Variants in WNK3 observed in about 807,000 individuals in gnomAD.
WNK3 encodes serine/threonine-protein kinase WNK3.
In WNK3, 18 loss-of-function variants were observed where a neutral mutation model predicts 116.7. That is an observed-to-expected ratio of 0.15 (90% CI 0.11 to 0.23). The LOEUF (loss-of-function observed/expected upper bound fraction) is 0.23, where lower values mean the gene tolerates loss of function less well. Among genes scored for constraint, WNK3 ranks in the 10% least tolerant of loss-of-function variants. WNK3 has a pLI of 1.00. For synonymous variants in WNK3, 404 were observed against 469.4 expected, an observed-to-expected ratio of 0.86 and a Z score of 1.80; for missense variants, 993 against 1,323.8, an observed-to-expected ratio of 0.75 and a Z score of 3.88.
chrX:54,250,982 T>C (rs1481920366), intron 15 of WNK3, among the ~76,000 whole-genome samples: 21 of 111,785 alleles, frequency 1.9e-4, no homozygotes, highest in Admixed American at 1.8e-3. Flanking sequence ...TAGAAGCATA[T>C]CATTCATCGT....
intron 1 of WNK3, among the ~76,000 whole-genome samples, chrX:54,345,228 G>A (rs1366844235): frequency 3.4e-4 from 29 of 86,359 alleles, no homozygotes; most frequent in Admixed American, 4.6e-4. Flanking sequence ...GGGAACAAAG[G>A]GAGACTCTGT....
chrX:54,348,423 G>A (rs986150713), intron 1 of WNK3, among the ~76,000 whole-genome samples: 10 of 111,179 alleles, frequency 9.0e-5, no homozygotes, highest in Non-Finnish European at 1.9e-5. Context: ...CGCTGGCCTC[G>A]GCCTCCCCAA....
intron 23 of WNK3, among the ~76,000 whole-genome samples, chrX:54,200,030 C>T (rs1055358986): frequency 1.8e-5 from 2 of 111,835 alleles, no homozygotes; most frequent in South Asian, 3.7e-4. Flanking sequence ...CGATCCTTTC[C>T]GCATGGAATC....
At chrX:54,347,563 T>C (rs957581881) in intron 1 of WNK3, among the ~76,000 whole-genome samples, 5 of 108,546 alleles carry the variant, frequency 4.6e-5, no homozygotes, top group African/African-American at 1.3e-4. Flanking sequence ...AGTAGGAGGA[T>C]TGCTTGAGCC....
At position 54,264,853 on chromosome X, in the gene WNK3, A is replaced by AT. The variant is rs374917527; in HGVS notation, c.2038-5516dup. On this transcript the variant is annotated intron_variant, in intron 10 of 23. Transcript: ENST00000354646. ...CAGATATTTGGAAAGAGCAACTAAC[A>AT]TTTTTTTTTTTTTTAATGGCAAGAA... is the stretch of plus-strand genomic sequence containing the variant. 8.3e-3 allele frequency among the ~76,000 whole-genome samples: 847 copies of AT among 102,061 alleles called. 10 individuals carry two copies. The highest frequency in any genetic ancestry group is 0.024 in the African/African-American group (689 of 28,292). The allele number at this position is 102,061 out of a possible 115,157, so 88.6% of individuals were successfully genotyped here.
At chrX:54,317,655 G>A (rs1478897916) in intron 2 of WNK3, among the ~76,000 whole-genome samples, 2 of 106,838 alleles carry the variant, frequency 1.9e-5, no homozygotes, top group East Asian at 3.0e-4. Flanking sequence ...TTTTTGAGAC[G>A]GAATCTCGCT....
At chrX:54,332,864 CA>C (rs1162673611) in intron 2 of WNK3, among the ~76,000 whole-genome samples, 1,742 of 49,283 alleles carry the variant, frequency 0.035, 41 homozygotes, top group African/African-American at 0.12. Flanking sequence ...GATTCCGCCT[CA>C]AAAAAAAAAA....
At chrX:54,206,265 CAGT>C (rs2067552719) in intron 22 of WNK3, among the ~76,000 whole-genome samples, 1 of 110,470 alleles carries the variant, frequency 9.1e-6, no homozygotes, top group Non-Finnish European at 1.9e-5. Flanking sequence ...TGGCACACAC[CAGT>C]AGTCCCAGCT....
chrX:54,334,812 TCTA>T (rs1244611179), intron 1 of WNK3, among the ~76,000 whole-genome samples: 3 of 112,248 alleles, frequency 2.7e-5, no homozygotes, highest in African/African-American at 9.7e-5. Flanking sequence ...AACTAGCAAT[TCTA>T]CTTATAGGAA....
At chrX:54,331,204 C>G (rs978835516) in intron 2 of WNK3, among the ~76,000 whole-genome samples, 2 of 107,492 alleles carry the variant, frequency 1.9e-5, no homozygotes, top group Non-Finnish European at 3.8e-5. Context: ...TGCACATGTA[C>G]CTCTGAACTT....
At chrX:54,292,743 G>T (rs2068653628) in intron 10 of WNK3, 145 bp downstream of exon 10, 7 of 470,958 alleles carry the variant, frequency 1.5e-5, no homozygotes, top group African/African-American at 2.6e-5. Context: ...TGTCTTGGGT[G>T]AAGGAAAGCA....
At chrX:54,292,109 A>C (rs112024365) in intron 10 of WNK3, among the ~76,000 whole-genome samples, 1,390 of 112,211 alleles carry the variant, frequency 0.012, 21 homozygotes, top group African/African-American at 0.043. Flanking sequence ...TCTGAAAGAC[A>C]AAAACACTTC....
At chrX:54,235,041 T>C (rs2067947406) in intron 20 of WNK3, among the ~76,000 whole-genome samples, 1 of 111,869 alleles carries the variant, frequency 8.9e-6, no homozygotes, top group Non-Finnish European at 1.9e-5. Context: ...TGGTGATGAA[T>C]ATTTAAAGTA....
At chrX:54,201,408 A>C (rs1051532757) in intron 23 of WNK3, among the ~76,000 whole-genome samples, 22 of 111,961 alleles carry the variant, frequency 2.0e-4, no homozygotes, top group African/African-American at 6.8e-4. Flanking sequence ...TCTTTAAAAC[A>C]CCTCTTATAA....
At chrX:54,350,336 C>T (rs895259514) in intron 1 of WNK3, among the ~76,000 whole-genome samples, 2 of 108,350 alleles carry the variant, frequency 1.8e-5, no homozygotes, top group Admixed American at 1.0e-4. Context: ...CGTGAACCCA[C>T]GAGGTGGAGC....
chrX:54,332,341 CA>C lies in WNK3; in HGVS notation c.537+795del, dbSNP rs782205612. ...ACTCAAAGGCATCATGAGCTTCTAT[CA>C]GTAAAGGTCCTCAAAGAATCAAGTA... On this transcript the variant is annotated intron_variant, in intron 2 of 23. Transcript: ENST00000354646. 2.7e-5 allele frequency among the ~76,000 whole-genome samples: 3 copies of C among 111,819 alleles called. No individual in the cohort carries two copies. The South Asian group carries it at 1.1e-3, about 42-fold the overall frequency.
chrX:54,199,508 A>G (rs1206833860), intron 23 of WNK3, among the ~76,000 whole-genome samples: 1 of 110,760 alleles, frequency 9.0e-6, no homozygotes, highest in African/African-American at 3.3e-5. Flanking sequence ...GATCATGTCA[A>G]CCCTAGGGCT....
intron 22 of WNK3, among the ~76,000 whole-genome samples, chrX:54,214,368 G>A (rs1456745157): frequency 9.0e-6 from 1 of 111,609 alleles, no homozygotes; most frequent in African/African-American, 3.2e-5. Flanking sequence ...GACATTTAAA[G>A]AAGAAATAAT....
At chrX:54,232,884 G>T in exon 21 of WNK3, 1 of 1,211,457 alleles carries the variant, frequency 8.3e-7, no homozygotes, top group South Asian at 1.8e-5. Context: ...AAAGATCTTG[G>T]TCGACGTGGT....
Sources: allele counts gnomAD v4.1 joint callset (sites outside exome capture counted in the v4.1 genomes callset), GRCh38; gene constraint gnomAD v4.1.1; transcripts MANE v1.5; gene names NCBI Gene and HGNC (gene_info 2026-07-23, HGNC 2026-07-21).